Variants in MKNK1 observed in about 807,000 individuals in gnomAD.
MKNK1 encodes the protein MAPK interacting serine/threonine kinase 1.
MKNK1 carries 30 observed loss-of-function variants against 49.3 expected under a neutral mutation model. The ratio of observed to expected loss-of-function variants is 0.61; its 90% confidence interval spans 0.46 to 0.83. The LOEUF is 0.83. Among genes scored for constraint, MKNK1 ranks in the 40% least tolerant of loss-of-function variants. MKNK1 has a pLI of 0.00. For missense variants in MKNK1, 423 were observed against 524.7 expected, an observed-to-expected ratio of 0.81 and a Z score of 1.89; for synonymous variants, 176 against 201.7, an observed-to-expected ratio of 0.87 and a Z score of 1.08.
intron 11 of MKNK1, 82 bp from the exon 12 acceptor site, chr1:46,560,359 G>T: frequency 1.4e-6 from 2 of 1,440,338 alleles, no homozygotes; most frequent in South Asian, 2.3e-5. Flanking sequence ...GCAGTGGGTA[G>T]GTTACTATAG....
At chr1:46,587,836 A>C (rs137953118) in intron 2 of MKNK1, among the ~76,000 whole-genome samples, 1 of 152,148 alleles carries the variant, frequency 6.6e-6, no homozygotes, top group Admixed American at 6.5e-5. Context: ...AACAAAAAAT[A>C]CCCAATGATA....
In MKNK1 at chr1:46,575,011, C is replaced by T. The variant is rs773237308; in HGVS notation, c.288G>A (p.Leu96=). Residue 96 remains leucine, a synonymous_variant, in exon 6 of 13, where the codon TTG becomes TTA. Coordinates refer to ENST00000371945, the MANE Select transcript of MKNK1 (RefSeq NM_001135553.4). The stretch of plus-strand genomic sequence containing the variant: ...CATCTTCAAAGAACTCAATCAGCTC[C>T]AAAATGTTCCTTAAATAGGGAAAAT... The part of the protein sequence containing the change: ...LYQCQGNKNI[L]ELIEFFEDDT... 3.1e-6 allele frequency: 5 copies of T among 1,610,286 alleles called. No individual in the cohort carries two copies. The African/African-American group carries it at 4.0e-5, about 13-fold the overall frequency.
rs755714019 is a variant in MKNK1 at position 46,558,610 on chromosome 1, G to T, written c.1204C>A (p.Arg402Ser). ...ARRRALAQAG[R>S]GEDRSPPTAL The stretch of plus-strand genomic sequence containing the variant: ...GTGGGCGGGCTCCTGTCTTCACCAC[G>T]GCCTGCCTGGGCCAGGGCCCGTCTC... The change falls in exon 13 of 13, where the codon CGT (arginine) becomes AGT (serine). Residue 402 changes from arginine to serine, a missense_variant. Physicochemically the swap from Arg to Ser is moderately radical, Grantham distance 110. Coordinates refer to ENST00000371945, the MANE Select transcript of MKNK1 (RefSeq NM_001135553.4). The T allele has an allele frequency of 6.2e-7, 1 of 1,613,566 alleles. No homozygotes were observed. The highest frequency in any genetic ancestry group is 1.7e-5 in the Admixed American group (1 of 59,964).
At chr1:46,561,344 C>T (rs1200823883) in intron 11 of MKNK1, 134 bp downstream of exon 11, 7 of 991,482 alleles carry the variant, frequency 7.1e-6, no homozygotes, top group Non-Finnish European at 1.0e-5. Flanking sequence ...TCTACACACT[C>T]AGGGATAGAC....
intron 5 of MKNK1, 141 bp downstream of exon 5, chr1:46,576,434 G>A (rs1234082219): frequency 3.0e-6 from 2 of 667,190 alleles, no homozygotes; most frequent in Non-Finnish European, 5.4e-6. Flanking sequence ...CCCTAACACT[G>A]AAAGGGGCGG....
intron 3 of MKNK1, 100 bp downstream of exon 3, chr1:46,583,128 C>T (rs1000791951): frequency 1.7e-5 from 15 of 898,372 alleles, no homozygotes; most frequent in Non-Finnish European, 2.4e-5. Flanking sequence ...CCATCTGGCT[C>T]TAACTTGACG....
In MKNK1 at chr1:46,560,263, C is replaced by T. The variant is rs750367533; in HGVS notation, c.984G>A (p.Lys328=). Residue 328 remains lysine, a synonymous_variant, in exon 12 of 13, where the codon AAG becomes AAA. Coordinates refer to ENST00000371945, the MANE Select transcript of MKNK1 (RefSeq NM_001135553.4). The part of the protein sequence containing the change: ...HPWVQGQAPE[K]GLPTPQVLQR... ...GGAGGACTTGCGGCGTGGGGAGTCC[C>T]TTTTCTGGAGCTTGCTAGAATGGGA... 6.2e-7 allele frequency: 1 copy of T among 1,614,114 alleles called. No homozygotes were observed. The highest frequency in any genetic ancestry group is 1.1e-5 in the South Asian group (1 of 91,076).
In MKNK1 at chr1:46,563,765, G is replaced by A. The variant is rs571659475; in HGVS notation, c.610-922C>T. ...GCATGTCTTAAAAGGGTTATTAGGG[G>A]CCAGGCGTGGTGGCTCACGCCTGTA... is the stretch of plus-strand genomic sequence containing the variant. On this transcript the variant is annotated intron_variant, in intron 9 of 12. Coordinates refer to ENST00000371945, the MANE Select transcript of MKNK1 (RefSeq NM_001135553.4). Among the ~76,000 whole-genome samples the A allele has an allele frequency of 2.0e-5, 3 of 152,328 alleles. No individual in the cohort carries two copies. The South Asian group carries it at 6.2e-4, about 32-fold the overall frequency.
intron 1 of MKNK1, among the ~76,000 whole-genome samples, chr1:46,599,842 T>C (rs1383146298): frequency 6.6e-6 from 1 of 152,190 alleles, no homozygotes; most frequent in Non-Finnish European, 1.5e-5. Flanking sequence ...TTAAATATAG[T>C]ATGTAAAGCA....
chr1:46,560,578 T>C (rs1667778622), intron 11 of MKNK1, among the ~76,000 whole-genome samples: 1 of 152,196 alleles, frequency 6.6e-6, no homozygotes, highest in Admixed American at 6.5e-5. Context: ...ACATTTCCCC[T>C]TCCCTGCCAC....
intron 3 of MKNK1, among the ~76,000 whole-genome samples, chr1:46,582,179 C>T (rs560632970): frequency 1.3e-5 from 2 of 152,246 alleles, no homozygotes; most frequent in South Asian, 4.1e-4. Flanking sequence ...TCCCCCATCC[C>T]CATACCCTGA....
chr1:46,599,327 G>A (rs1360640020), intron 1 of MKNK1, among the ~76,000 whole-genome samples: 1 of 152,152 alleles, frequency 6.6e-6, no homozygotes, highest in Non-Finnish European at 1.5e-5. Context: ...GAGACAGGAT[G>A]TGCCAAACAG....
intron 2 of MKNK1, among the ~76,000 whole-genome samples, chr1:46,583,716 C>T (rs567988084): frequency 4.6e-5 from 7 of 152,240 alleles, no homozygotes; most frequent in African/African-American, 1.4e-4. Context: ...AAAGGCAAAA[C>T]CGAGAGAGCT....
At chr1:46,600,665 A>C (rs1362473206) in intron 1 of MKNK1, among the ~76,000 whole-genome samples, 1 of 152,194 alleles carries the variant, frequency 6.6e-6, no homozygotes, top group Non-Finnish European at 1.5e-5. Context: ...GTTCCACCCC[A>C]CTGGGTAGGA....
In MKNK1 at chr1:46,558,644, G is replaced by A. The variant is rs1207397317; in HGVS notation, c.1170C>T (p.Arg390=). The stretch of plus-strand genomic sequence containing the variant: ...GGGCCAGGGCCCGTCTCCGGGCCAG[G>A]CGTGACTTGCAGGGAGGGGAAAGCT... ...SMKLSPPCKS[R]LARRRALAQA... Residue 390 remains arginine, a synonymous_variant, in exon 13 of 13, where the codon CGC becomes CGT. Transcript: ENST00000371945. 1.2e-6 allele frequency: 2 copies of A among 1,614,184 alleles called. No homozygotes were observed. The highest frequency in any genetic ancestry group is 1.7e-6 in the Non-Finnish European group (2 of 1,180,028).
chr1:46,597,808 T>G (rs1674270930), intron 1 of MKNK1, among the ~76,000 whole-genome samples: 1 of 152,230 alleles, frequency 6.6e-6, no homozygotes, highest in African/African-American at 2.4e-5. Flanking sequence ...CAGCTGAAGT[T>G]ATTCTTCCCT....
At chr1:46,586,281 C>G (rs139783743) in intron 2 of MKNK1, 1 of 289,432 alleles carries the variant, frequency 3.5e-6, no homozygotes, top group African/African-American at 2.2e-5. Flanking sequence ...AAAGCCGGCT[C>G]GATAGTCCCA....
At chr1:46,574,709 C>T (rs138335957) in intron 6 of MKNK1, 2 of 505,118 alleles carry the variant, frequency 4.0e-6, no homozygotes, top group African/African-American at 1.9e-5. Context: ...CTATATATGA[C>T]TCCTATTATA....
At chr1:46,586,312 T>TA (rs1672562835) in intron 2 of MKNK1, 1 of 259,186 alleles carries the variant, frequency 3.9e-6, no homozygotes, top group African/African-American at 2.2e-5. Flanking sequence ...AGCTCCCTGA[T>TA]AACTCCAGAT....
Sources: allele counts gnomAD v4.1 joint callset (sites outside exome capture counted in the v4.1 genomes callset), GRCh38; gene constraint gnomAD v4.1.1; transcripts MANE v1.5; gene names NCBI Gene and HGNC (gene_info 2026-07-23, HGNC 2026-07-21).